The following BACH2 variants were observed in gnomAD, a reference collection of about 807,000 sequenced individuals.
The protein encoded by BACH2 is BACH transcriptional regulator 2.
Under a neutral mutation model 61.8 loss-of-function variants are expected in BACH2, and 5 were observed. The ratio of observed to expected loss-of-function variants is 0.08; its 90% confidence interval spans 0.04 to 0.17. BACH2 has a LOEUF of 0.17. Ranked by LOEUF, BACH2 falls within the 10% of genes least tolerant of loss-of-function variation. The pLI, the probability that BACH2 is intolerant of heterozygous loss-of-function variation, is 1.00. For synonymous variants in BACH2, 446 were observed against 440.1 expected (o/e 1.01, Z -0.17); for missense variants, 824 against 1,091.1 (o/e 0.76, Z 3.45).
intron 6 of BACH2, among the ~76,000 whole-genome samples, chr6:89,991,390 T>C (rs3857494): frequency 0.83 from 126,321 of 152,170 alleles, 52,583 homozygotes; most frequent in East Asian, 1. Context: ...AACTAGACTG[T>C]GTTAAATCAT....
intron 5 of BACH2, among the ~76,000 whole-genome samples, chr6:90,077,828 A>G (rs183678640): frequency 1.2e-4 from 18 of 152,320 alleles, no homozygotes; most frequent in African/African-American, 3.8e-4. Flanking sequence ...ATGAAGAAAC[A>G]GCATTCTAGG....
intron 2 of BACH2, among the ~76,000 whole-genome samples, chr6:90,265,381 CAAGA>C (rs762766213): frequency 2.0e-5 from 3 of 152,216 alleles, no homozygotes; most frequent in Non-Finnish European, 2.9e-5. Flanking sequence ...TCAGCTTCCA[CAAGA>C]AAGAGAACTT....
At chr6:89,940,194 G>A (rs1455008662) in intron 7 of BACH2, among the ~76,000 whole-genome samples, 3 of 152,088 alleles carry the variant, frequency 2.0e-5, no homozygotes, top group Non-Finnish European at 4.4e-5. Context: ...ATTTTCAGTA[G>A]AGATGCGGTT....
intron 4 of BACH2, among the ~76,000 whole-genome samples, chr6:90,098,654 C>T (rs186471198): frequency 3.9e-5 from 6 of 152,300 alleles, no homozygotes; most frequent in South Asian, 2.1e-4. Flanking sequence ...GATGTAGGCC[C>T]CCTAAGAATC....
intron 5 of BACH2, among the ~76,000 whole-genome samples, chr6:90,058,345 C>T (rs1266559248): frequency 6.6e-6 from 1 of 152,036 alleles, no homozygotes; most frequent in East Asian, 1.9e-4. Flanking sequence ...AAACAGAGAG[C>T]CAAATCATGA....
rs532282471 is a variant in BACH2 at position 90,002,622 on chromosome 6, T to C, written c.243+5980A>G. ...CCGTCTCTACTGAAAATACAAAAAT[T>C]AGCCAGGCGTGGTGGTGCACACCTG... On this transcript the variant is annotated intron_variant, in intron 6 of 8. Transcript: ENST00000257749. 5.3e-5 allele frequency among the ~76,000 whole-genome samples: 8 copies of C among 152,128 alleles called. No homozygotes were observed. The East Asian group carries it at 1.5e-3, about 29-fold the overall frequency.
intron 3 of BACH2, among the ~76,000 whole-genome samples, chr6:90,242,415 A>T (rs1262036216): frequency 1.3e-5 from 2 of 152,174 alleles, no homozygotes; most frequent in Non-Finnish European, 2.9e-5. Flanking sequence ...CTGTGGCTTC[A>T]TTGCTCATTT....
At chr6:89,984,531 A>C (rs773963367) in intron 6 of BACH2, among the ~76,000 whole-genome samples, 47 of 152,078 alleles carry the variant, frequency 3.1e-4, no homozygotes, top group Non-Finnish European at 5.4e-4. Context: ...AGAATAGGTG[A>C]GTGAAAGAAG....
intron 4 of BACH2, among the ~76,000 whole-genome samples, chr6:90,109,045 C>T (rs1158261963): frequency 2.0e-5 from 3 of 152,208 alleles, no homozygotes; most frequent in Non-Finnish European, 2.9e-5. Context: ...TTGATGCCAT[C>T]GCTTCCTCCA....
At chr6:90,110,860 G>A (rs1261241271) in intron 4 of BACH2, among the ~76,000 whole-genome samples, 1 of 152,178 alleles carries the variant, frequency 6.6e-6, no homozygotes, top group Non-Finnish European at 1.5e-5. Flanking sequence ...CTGGTATACG[G>A]TAGAAGGGCT....
At chr6:90,023,784 G>A (rs1334972678) in intron 5 of BACH2, among the ~76,000 whole-genome samples, 2 of 152,148 alleles carry the variant, frequency 1.3e-5, no homozygotes, top group Non-Finnish European at 2.9e-5. Flanking sequence ...GAGGACACAA[G>A]AAGATGGCTG....
chr6:90,152,421 C>A (rs1414006512), intron 4 of BACH2, among the ~76,000 whole-genome samples: 1 of 152,146 alleles, frequency 6.6e-6, no homozygotes, highest in Non-Finnish European at 1.5e-5. Context: ...AGTAATAGGG[C>A]AGCTGTAAAT....
In BACH2 at chr6:89,933,706, C is replaced by G. The variant is rs530237456; in HGVS notation, c.2044-816G>C. On this transcript the variant is annotated intron_variant, in intron 8 of 8. Coordinates refer to ENST00000257749, the MANE Select transcript of BACH2 (RefSeq NM_021813.4). ...ACTGCTCCTAAAAAAGTAAGTCAGG[C>G]TGGGTGCAGTGGCTCCCACCTATAA... Among the ~76,000 whole-genome samples, 3 of 152,268 alleles carry G rather than the reference C, an allele frequency of 2.0e-5. No homozygotes were observed. In the East Asian group the frequency reaches 5.8e-4, roughly 29 times the overall value.
At chr6:90,009,570 A>G (rs1410223710) in intron 5 of BACH2, among the ~76,000 whole-genome samples, 4 of 152,272 alleles carry the variant, frequency 2.6e-5, no homozygotes, top group Non-Finnish European at 4.4e-5. Flanking sequence ...GAAACACAAT[A>G]TATCACAATA....
intron 4 of BACH2, among the ~76,000 whole-genome samples, chr6:90,167,911 T>G (rs2127835896): frequency 6.6e-6 from 1 of 152,310 alleles, no homozygotes; most frequent in East Asian, 1.9e-4. Context: ...ACAATTGGGC[T>G]CTCTCTCCCT....
intron 3 of BACH2, among the ~76,000 whole-genome samples, chr6:90,234,391 C>T (rs1191466145): frequency 6.6e-6 from 1 of 152,228 alleles, no homozygotes; most frequent in Non-Finnish European, 1.5e-5. Context: ...AATAGATGGG[C>T]ATTCCCATGA....
In BACH2 at chr6:89,951,853, T is replaced by C; in HGVS notation, c.253A>G (p.Arg85Gly). 6.2e-7 allele frequency: 1 copy of C among 1,610,072 alleles called. No individual in the cohort carries two copies. The highest frequency in any genetic ancestry group is 8.5e-7 in the Non-Finnish European group (1 of 1,176,580). Residue 85 changes from arginine to glycine, a missense_variant, in exon 7 of 9, where the codon AGG becomes GGG. Physicochemically the swap from Arg to Gly is moderately radical, Grantham distance 125. Transcript: ENST00000257749. This position sits in a 1 kb window ranked among gnomAD's most constrained non-coding sequence, Gnocchi z 6.4. ...AACTGTAACAGCGGCCCAAAGCCCCTGGCTGTGACCTGCAAAACAAACAGG... is the reference window on the plus strand; with the variant it reads ...AACTGTAACAGCGGCCCAAAGCCCCCGGCTGTGACCTGCAAAACAAACAGG... The part of the protein sequence containing the change: ...VVSLPEEVTA[R>G]GFGPLLQFAY...
intron 5 of BACH2, among the ~76,000 whole-genome samples, chr6:90,082,263 T>A (rs1259989229): frequency 6.6e-6 from 1 of 152,138 alleles, no homozygotes; most frequent in Non-Finnish European, 1.5e-5. Context: ...ATCTTGTACA[T>A]AACTGAATCT....
intron 4 of BACH2, among the ~76,000 whole-genome samples, chr6:90,098,334 C>G (rs1366370461): frequency 6.6e-6 from 1 of 151,878 alleles, no homozygotes; most frequent in Non-Finnish European, 1.5e-5. Flanking sequence ...TACCAACATC[C>G]TGTCTTACCT....
Sources: gnomAD v4.1 joint callset for allele counts (sites outside exome capture counted in the v4.1 genomes callset) on GRCh38, gnomAD v4.1.1 for gene constraint, Gnocchi (gnomAD v3.1) non-coding constraint, MANE v1.5 for transcripts, NCBI Gene and HGNC (gene_info 2026-07-23, HGNC 2026-07-21) for gene names.